Variants in NREP observed in about 807,000 individuals in gnomAD.
The protein encoded by NREP is neuronal regeneration-related protein.
A neutral mutation model predicts 8.6 loss-of-function variants in NREP; 5 were observed. The ratio of observed to expected loss-of-function variants is 0.58; its 90% CI spans 0.30 to 1.22. NREP has a LOEUF of 1.22. Among genes scored for constraint, NREP ranks in the 50% most tolerant of loss-of-function variants. NREP has a pLI of 0.07. For synonymous variants in NREP, 27 were observed against 28.0 expected (o/e 0.96, Z 0.11); for missense variants, 86 against 82.5 (o/e 1.04, Z -0.17).
chr5:111,909,052 T>C (rs1332768266), intron 2 of NREP, among the ~76,000 whole-genome samples: 1 of 152,086 alleles, frequency 6.6e-6, no homozygotes, highest in Non-Finnish European at 1.5e-5. Flanking sequence ...TACATGTCTT[T>C]TGGCCACTTT....
intron 2 of NREP, among the ~76,000 whole-genome samples, chr5:111,913,185 G>T (rs1355659224): frequency 6.6e-6 from 1 of 152,064 alleles, no homozygotes; most frequent in Non-Finnish European, 1.5e-5. Flanking sequence ...GTAATTTGTA[G>T]AAGATTTCTT....
chr5:111,975,546 C>A (rs1048364329), intron 1 of NREP, among the ~76,000 whole-genome samples: 14 of 152,110 alleles, frequency 9.2e-5, no homozygotes, highest in African/African-American at 3.4e-4. Flanking sequence ...CATGAAGACT[C>A]TTTTGAGAAG....
At chr5:111,811,317 ATG>A (rs895943991) in intron 2 of NREP, among the ~76,000 whole-genome samples, 1 of 117,454 alleles carries the variant, frequency 8.5e-6, no homozygotes, top group African/African-American at 4.7e-5. Context: ...TTATTAAGAC[ATG>A]TGTATCAGAC....
At chr5:111,829,517 C>A (rs1752712411) in intron 2 of NREP, among the ~76,000 whole-genome samples, 1 of 152,286 alleles carries the variant, frequency 6.6e-6, no homozygotes, top group South Asian at 2.1e-4. Flanking sequence ...CCCACATATA[C>A]CTAGTTCCCT....
intron 2 of NREP, among the ~76,000 whole-genome samples, chr5:111,851,546 T>G (rs967486884): frequency 6.6e-6 from 1 of 152,120 alleles, no homozygotes; most frequent in Non-Finnish European, 1.5e-5. Flanking sequence ...TGATGGACAC[T>G]TAGGTTGATT....
At chr5:111,798,882 A>G (rs1751936123) in intron 2 of NREP, among the ~76,000 whole-genome samples, 1 of 152,090 alleles carries the variant, frequency 6.6e-6, no homozygotes, top group Admixed American at 6.6e-5. Context: ...GCTGCTATAC[A>G]CATGTGTGTT....
chr5:111,761,750 C>A (rs1223199476), upstream of NREP, among the ~76,000 whole-genome samples: 2 of 152,100 alleles, frequency 1.3e-5, no homozygotes, highest in Non-Finnish European at 2.9e-5. Flanking sequence ...GAAGGTGACG[C>A]CAAGGAATAG....
chr5:111,782,531 A>G (rs563682522), intron 2 of NREP, among the ~76,000 whole-genome samples: 1 of 152,308 alleles, frequency 6.6e-6, no homozygotes, highest in East Asian at 1.9e-4. Flanking sequence ...AATTTCATTT[A>G]TACTTAACTA....
intron 2 of NREP, among the ~76,000 whole-genome samples, chr5:111,904,704 G>C (rs1459545886): frequency 2.0e-5 from 3 of 152,068 alleles, no homozygotes; most frequent in Non-Finnish European, 4.4e-5. Flanking sequence ...AAGGCCCTTG[G>C]AGATCGACAG....
chr5:111,740,801 A>G lies in NREP; in HGVS notation c.4-5294T>C, dbSNP rs188781164. Among the ~76,000 whole-genome samples the G allele has an allele frequency of 1.9e-3, 288 of 152,324 alleles. 2 individuals carry two copies. The highest frequency in any genetic ancestry group is 6.7e-3 in the African/African-American group (279 of 41,578). Reference sequence around the variant, plus strand: ...CTAAAAGTTCTCGGACATGTTTCCTATCACTTCTACTACATTGCAGGTAAA... The same window carrying G: ...CTAAAAGTTCTCGGACATGTTTCCTGTCACTTCTACTACATTGCAGGTAAA... On this transcript the variant is annotated intron_variant, in intron 2 of 3. Transcript: ENST00000257435.
chr5:111,950,578 G>T (rs922609487), intron 2 of NREP, among the ~76,000 whole-genome samples: 1 of 123,342 alleles, frequency 8.1e-6, no homozygotes, highest in Non-Finnish European at 1.7e-5. Context: ...GCTTCTGCAC[G>T]CAAAAGAAAC....
chr5:111,758,130 G>A (rs529289935), upstream of NREP: 242 of 985,438 alleles, frequency 2.5e-4, 1 homozygote, highest in Admixed American at 2.4e-3. Flanking sequence ...CCCCTCAGCT[G>A]GGTACGCGCG....
chr5:111,939,081 A>G (rs1325525571), intron 2 of NREP, among the ~76,000 whole-genome samples: 1 of 151,990 alleles, frequency 6.6e-6, no homozygotes, highest in Non-Finnish European at 1.5e-5. Flanking sequence ...AATCATGCCT[A>G]GAAATTACCG....
At chr5:111,766,549 A>G (rs551442943) in intron 2 of NREP, among the ~76,000 whole-genome samples, 2 of 152,324 alleles carry the variant, frequency 1.3e-5, no homozygotes, top group Admixed American at 1.3e-4. Context: ...ATTCCCTCTT[A>G]TCCACCTTCA....
chr5:111,883,289 T>C (rs1304548218), intron 2 of NREP, among the ~76,000 whole-genome samples: 1 of 152,198 alleles, frequency 6.6e-6, no homozygotes, highest in Non-Finnish European at 1.5e-5. Flanking sequence ...TAAATATATG[T>C]GCACCCAATA....
chr5:111,957,633 T>C (rs891388879), intron 2 of NREP, among the ~76,000 whole-genome samples: 20 of 151,842 alleles, frequency 1.3e-4, no homozygotes, highest in African/African-American at 4.8e-4. Flanking sequence ...TTTTCACTTA[T>C]GAACATGAAT....
intron 2 of NREP, among the ~76,000 whole-genome samples, chr5:111,737,700 G>A (rs1749252760): frequency 2.2e-5 from 3 of 136,034 alleles, no homozygotes; most frequent in African/African-American, 2.9e-5. Flanking sequence ...GTTGTTCTAA[G>A]AACTCTCCAT....
chr5:111,839,202 A>G (rs917181089), intron 2 of NREP, among the ~76,000 whole-genome samples: 2 of 152,112 alleles, frequency 1.3e-5, no homozygotes, highest in African/African-American at 4.8e-5. Context: ...ATATTTAATA[A>G]AATTTTACTG....
chr5:111,782,303 G>A (rs1027613068), intron 2 of NREP, among the ~76,000 whole-genome samples: 1 of 152,168 alleles, frequency 6.6e-6, no homozygotes, highest in African/African-American at 2.4e-5. Flanking sequence ...TTATCAGTGT[G>A]ACTAATAAAT....
Sources: allele counts gnomAD v4.1 joint callset (sites outside exome capture counted in the v4.1 genomes callset), GRCh38; gene constraint gnomAD v4.1.1; transcripts MANE v1.5; gene names NCBI Gene and HGNC (gene_info 2026-07-23, HGNC 2026-07-21).